The following FAM135B variants were observed in gnomAD, a reference collection of about 807,000 sequenced individuals.
The protein encoded by FAM135B is family with sequence similarity 135 member B.
FAM135B carries 43 observed loss-of-function variants against 127.7 expected under a neutral mutation model. The observed-to-expected ratio is 0.34, with a 90% CI of 0.26 to 0.43. The LOEUF is 0.43. FAM135B is among the 20% of genes least tolerant of loss of function. The pLI is 1.00. For missense variants in FAM135B, 1,558 were observed against 1,725.6 expected (o/e 0.90, Z 1.72); for synonymous variants, 670 against 665.1 (o/e 1.01, Z -0.11).
At chr8:138,162,215 C>T (rs1460707311) in intron 12 of FAM135B, among the ~76,000 whole-genome samples, 1 of 152,140 alleles carries the variant, frequency 6.6e-6, no homozygotes, top group Non-Finnish European at 1.5e-5. Context: ...ACAGCTATCT[C>T]TTCTGCCAAA....
intron 1 of FAM135B, among the ~76,000 whole-genome samples, chr8:138,445,391 G>A (rs1201110319): frequency 6.6e-6 from 1 of 152,144 alleles, no homozygotes; most frequent in Non-Finnish European, 1.5e-5. Context: ...GAACATTGAT[G>A]CAAAAATCCT....
intron 10 of FAM135B, among the ~76,000 whole-genome samples, chr8:138,178,185 T>A (rs907179284): frequency 6.6e-6 from 1 of 151,586 alleles, no homozygotes; most frequent in African/African-American, 2.4e-5. Context: ...GAGGTGGAGA[T>A]TGCAGTGAGC....
At chr8:138,424,832 A>G (rs1172870473) in intron 1 of FAM135B, among the ~76,000 whole-genome samples, 1 of 152,172 alleles carries the variant, frequency 6.6e-6, no homozygotes, top group African/African-American at 2.4e-5. Context: ...TCAGGATTCC[A>G]TTTTGTCTTT....
chr8:138,397,735 A>ACAGAGCTCCAGGAGTTTGAAGT (rs1832925939), intron 1 of FAM135B, among the ~76,000 whole-genome samples: 1 of 152,190 alleles, frequency 6.6e-6, no homozygotes, highest in African/African-American at 2.4e-5. Flanking sequence ...TCTCCCATGG[A>ACAGAGCTCCAGGAGTTTGAAGT]CAGAGCTCCA....
At chr8:138,386,036 G>C (rs909243847) in intron 1 of FAM135B, among the ~76,000 whole-genome samples, 2 of 151,884 alleles carry the variant, frequency 1.3e-5, no homozygotes, top group Non-Finnish European at 2.9e-5. Flanking sequence ...GCCTGACACG[G>C]TGAAACCTCC....
At chr8:138,475,130 C>G (rs1277835048) in intron 1 of FAM135B, among the ~76,000 whole-genome samples, 1 of 152,072 alleles carries the variant, frequency 6.6e-6, no homozygotes, top group African/African-American at 2.4e-5. Flanking sequence ...CTAAGGATAA[C>G]AGGGAGACAG....
chr8:138,270,723 G>C (rs1314572963), intron 3 of FAM135B, among the ~76,000 whole-genome samples: 2 of 152,234 alleles, frequency 1.3e-5, no homozygotes, highest in Non-Finnish European at 2.9e-5. Flanking sequence ...ACAAAGGCAG[G>C]AATCACACCC....
At chr8:138,496,062 T>C (rs1247942940) in intron 1 of FAM135B, among the ~76,000 whole-genome samples, 3 of 152,186 alleles carry the variant, frequency 2.0e-5, no homozygotes, top group East Asian at 1.9e-4. Context: ...CTATCCCTAA[T>C]AGTCAACGGC....
At chr8:138,496,455 C>T (rs1041591410) in intron 1 of FAM135B, among the ~76,000 whole-genome samples, 55 of 152,200 alleles carry the variant, frequency 3.6e-4, no homozygotes, top group Non-Finnish European at 8.8e-5. Context: ...CCTTTCACAG[C>T]CCTGGCCCTT....
At chr8:138,318,298 C>A (rs1028106214) in intron 2 of FAM135B, among the ~76,000 whole-genome samples, 2 of 152,214 alleles carry the variant, frequency 1.3e-5, no homozygotes, top group Non-Finnish European at 2.9e-5. Flanking sequence ...ATCCCATCAG[C>A]ACCGCCACCA....
intron 1 of FAM135B, among the ~76,000 whole-genome samples, chr8:138,398,789 C>T (rs1233550319): frequency 6.6e-6 from 1 of 152,160 alleles, no homozygotes; most frequent in Non-Finnish European, 1.5e-5. Context: ...CGGTCAGACC[C>T]TAACAAGAAG....
intron 1 of FAM135B, among the ~76,000 whole-genome samples, chr8:138,393,214 TG>T (rs1011031349): frequency 1.8e-4 from 28 of 152,312 alleles, no homozygotes; most frequent in African/African-American, 6.7e-4. Flanking sequence ...GTGGGAATTA[TG>T]GGTGTACAAT....
intron 17 of FAM135B, among the ~76,000 whole-genome samples, chr8:138,139,430 A>T (rs1314349888): frequency 1.3e-5 from 2 of 152,236 alleles, no homozygotes; most frequent in Admixed American, 1.3e-4. Context: ...AATGATCCTT[A>T]CAGATACATT....
rs150942525 is a variant in FAM135B at position 138,310,878 on chromosome 8, G to A, written c.120C>T (p.Ile40=). ...CGATGGAGGCACTCAGTCTGTGGGG[G>A]ATCCTTGAAGACACCTTCAAGGTCA... ...IRVTLKVSSR[I]PHRLSASIAG... is the part of the protein sequence containing the mutation. The change falls in exon 3 of 20, where the codon ATC becomes ATT. Residue 40 remains isoleucine (I), a synonymous_variant. Coordinates refer to ENST00000395297, the MANE Select transcript of FAM135B (RefSeq NM_015912.4). 220 of 1,613,860 alleles carry A rather than the reference G, an allele frequency of 1.4e-4. 2 individuals are homozygous for A. In the African/African-American group the frequency reaches 2.5e-3, roughly 18 times the overall value.
chr8:138,256,545 CT>C (rs1364042615), intron 5 of FAM135B, 143 bp downstream of exon 5: 2 of 675,286 alleles, frequency 3.0e-6, no homozygotes, highest in Non-Finnish European at 5.1e-6. Flanking sequence ...GCCCGCACCC[CT>C]GAGTCAGGGA....
intron 12 of FAM135B, among the ~76,000 whole-genome samples, chr8:138,157,581 T>A (rs190364855): frequency 4.1e-4 from 41 of 100,736 alleles, no homozygotes; most frequent in Middle Eastern, 5.1e-3. Context: ...CTGAAGCTGA[T>A]AAGCACCTTC....
intron 1 of FAM135B, among the ~76,000 whole-genome samples, chr8:138,403,953 C>T (rs1422619376): frequency 6.6e-6 from 1 of 152,128 alleles, no homozygotes. Context: ...AACATCCTAA[C>T]ATGAATAGGG....
chr8:138,202,734 A>T (rs1817243677), intron 7 of FAM135B, among the ~76,000 whole-genome samples: 1 of 152,204 alleles, frequency 6.6e-6, no homozygotes, highest in Non-Finnish European at 1.5e-5. Context: ...CTCCAGTGTA[A>T]AGTCAGTGCA....
chr8:138,238,368 C>CA (rs1321367353), intron 7 of FAM135B, among the ~76,000 whole-genome samples: 2 of 152,058 alleles, frequency 1.3e-5, no homozygotes, highest in Non-Finnish European at 2.9e-5. Flanking sequence ...AGCCAAGAGT[C>CA]AAAGAGGGTA....
Sources: gnomAD v4.1 joint callset for allele counts (sites outside exome capture counted in the v4.1 genomes callset) on GRCh38, gnomAD v4.1.1 for gene constraint, MANE v1.5 for transcripts, NCBI Gene and HGNC (gene_info 2026-07-23, HGNC 2026-07-21) for gene names.